MBTPS1: variants seen among roughly 807,000 people sequenced by gnomAD.
MBTPS1 encodes the protein membrane-bound transcription factor site-1 protease.
In MBTPS1, 94 loss-of-function variants were observed where a neutral mutation model predicts 127.8. That is an observed-to-expected ratio of 0.74 (90% confidence interval 0.62 to 0.87). MBTPS1 has a LOEUF of 0.87. Among genes scored for constraint, MBTPS1 ranks in the 40% least tolerant of loss-of-function variants. The probability of loss-of-function intolerance (pLI) is 0.00; values close to 1 mark genes in which losing one functional copy is unlikely to be tolerated. For missense variants in MBTPS1, 1,636 were observed against 1,353.2 expected (o/e 1.21, Z -3.28); for synonymous variants, 632 against 509.4 (o/e 1.24, Z -3.24).
At chr16:84,110,203 T>C (rs1046661314) in intron 1 of MBTPS1, among the ~76,000 whole-genome samples, 11 of 152,186 alleles carry the variant, frequency 7.2e-5, no homozygotes, top group African/African-American at 2.7e-4. Flanking sequence ...CACTCATCAA[T>C]TGTTACGTAG....
intron 2 of MBTPS1, among the ~76,000 whole-genome samples, chr16:84,099,558 G>A (rs1285959030): frequency 6.6e-6 from 1 of 152,106 alleles, no homozygotes; most frequent in Non-Finnish European, 1.5e-5. Context: ...GGCTGACGTG[G>A]GCAGATTACG....
chr16:84,110,050 C>A (rs1053455115), intron 1 of MBTPS1, among the ~76,000 whole-genome samples: 12 of 152,136 alleles, frequency 7.9e-5, no homozygotes, highest in Non-Finnish European at 1.3e-4. Context: ...AAAATAAGTT[C>A]TTTATTTACC....
Position 84,085,056 on chromosome 16 carries a change from C to T in MBTPS1, c.1213G>A (p.Gly405Arg). 6.2e-7 allele frequency: 1 copy of T among 1,614,216 alleles called. No individual in the cohort carries two copies. Residue 405 changes from glycine (G) to arginine (R), a missense_variant, in exon 10 of 23, where the codon GGG becomes AGG. Physicochemically the swap from Gly to Arg is moderately radical, Grantham distance 125. Transcript: ENST00000343411. The part of the protein sequence containing the change: ...GAGVRGSGVK[G>R]GCRALSGTSV... Reference sequence around the variant, plus strand: ...GTCCCTGAGAGGGCCCGGCACCCCCCTTTCACGCCAGAACCCCGCACGCCA... The same window carrying T: ...GTCCCTGAGAGGGCCCGGCACCCCCTTTTCACGCCAGAACCCCGCACGCCA...
chr16:84,054,157 C>A lies in MBTPS1; in HGVS notation c.*292G>T. 1 of 274,960 alleles carries A rather than the reference C, an allele frequency of 3.6e-6. No homozygotes were observed. The highest frequency in any genetic ancestry group is 6.9e-6 in the Non-Finnish European group (1 of 145,930). 17.0% of individuals were successfully genotyped at this position (274,960 alleles called of 1,614,324 possible). On this transcript the variant is annotated 3_prime_UTR_variant, in exon 23 of 23. Coordinates refer to ENST00000343411, the MANE Select transcript of MBTPS1 (RefSeq NM_003791.4). ...ACATCCTTCCCCTGCAGTCAGAAGACCCCAGACAGCCTTTCCAGTTCTCCC... is the reference window on the plus strand; with the variant it reads ...ACATCCTTCCCCTGCAGTCAGAAGAACCCAGACAGCCTTTCCAGTTCTCCC...
intron 1 of MBTPS1, among the ~76,000 whole-genome samples, 171 bp downstream of exon 1, chr16:84,116,564 C>T (rs1331553135): frequency 1.3e-5 from 2 of 152,180 alleles, no homozygotes; most frequent in Non-Finnish European, 2.9e-5. Flanking sequence ...GCGGTACAGG[C>T]ACGCTGTGTC....
intron 1 of MBTPS1, among the ~76,000 whole-genome samples, chr16:84,103,849 G>A (rs1208812289): frequency 1.3e-5 from 2 of 152,192 alleles, no homozygotes; most frequent in African/African-American, 2.4e-5. Context: ...ACTAAGGGGC[G>A]TGGAACTCAT....
chr16:84,097,299 C>A (rs573162526), intron 3 of MBTPS1, among the ~76,000 whole-genome samples: 1 of 152,212 alleles, frequency 6.6e-6, no homozygotes, highest in African/African-American at 2.4e-5. Context: ...ATCTTGAACA[C>A]TCTACTAAGC....
At position 84,060,871 on chromosome 16, in the gene MBTPS1, G is replaced by T. The variant is rs571922612; in HGVS notation, c.2573-58C>A. 13 of 1,505,526 alleles carry T rather than the reference G, an allele frequency of 8.6e-6. 1 individual carries two copies. Among genetic ancestry groups the T allele is most frequent in the Non-Finnish European group, 9.9e-6 (11 of 1,114,116 alleles). 93.3% of individuals were successfully genotyped at this position (1,505,526 alleles called of 1,614,324 possible). A position where few individuals can be genotyped will look rare whatever the true frequency, so the allele number is the denominator to read the frequency against. ...TTTTTTTTTTTCCAGACAGAGTCAC[G>T]CTCTTGTCACCCAGTGCAGTGGCGC... On this transcript the variant is annotated intron_variant, in intron 19 of 22. Coordinates refer to ENST00000343411, the MANE Select transcript of MBTPS1 (RefSeq NM_003791.4).
At chr16:84,097,512 G>A (rs1036351970) in intron 3 of MBTPS1, among the ~76,000 whole-genome samples, 4 of 152,210 alleles carry the variant, frequency 2.6e-5, no homozygotes, top group Non-Finnish European at 4.4e-5. Flanking sequence ...CGGAACACAC[G>A]CAGTGGAGAT....
At chr16:84,055,155 T>C (rs1005010709) in intron 22 of MBTPS1, among the ~76,000 whole-genome samples, 2 of 152,190 alleles carry the variant, frequency 1.3e-5, no homozygotes, top group African/African-American at 4.8e-5. Flanking sequence ...GGAGAGGCCA[T>C]CAGAGGACCC....
intron 12 of MBTPS1, among the ~76,000 whole-genome samples, chr16:84,072,769 G>T (rs923964810): frequency 6.6e-6 from 1 of 152,148 alleles, no homozygotes; most frequent in Non-Finnish European, 1.5e-5. Context: ...AAGCCTGGGA[G>T]AGAGCGAGAC....
intron 6 of MBTPS1, among the ~76,000 whole-genome samples, chr16:84,092,943 C>T (rs530920662): frequency 2.0e-5 from 3 of 152,176 alleles, no homozygotes; most frequent in Non-Finnish European, 4.4e-5. Context: ...ATCAAAGAAT[C>T]GTCGTAAGTA....
chr16:84,115,862 T>C (rs772935904), intron 1 of MBTPS1, among the ~76,000 whole-genome samples: 2 of 152,052 alleles, frequency 1.3e-5, no homozygotes, highest in African/African-American at 4.8e-5. Flanking sequence ...AACAGGTGGA[T>C]TTTATGGTAT....
At chr16:84,082,028 G>A (rs2085949745) in intron 10 of MBTPS1, 120 bp from the exon 11 acceptor site, 1 of 635,016 alleles carries the variant, frequency 1.6e-6, no homozygotes, top group Non-Finnish European at 2.3e-6. Flanking sequence ...GTATCCAACA[G>A]GTGCTTGTCT....
chr16:84,074,866 C>G (rs1005267170), intron 11 of MBTPS1, 125 bp from the exon 12 acceptor site: 11 of 812,870 alleles, frequency 1.4e-5, no homozygotes, highest in Non-Finnish European at 2.1e-5. Context: ...CAGCGCTGCC[C>G]TAGGCTGGCA....
chr16:84,088,623 G>A (rs895763529), intron 8 of MBTPS1, among the ~76,000 whole-genome samples: 1 of 152,192 alleles, frequency 6.6e-6, no homozygotes, highest in Non-Finnish European at 1.5e-5. Context: ...TGCTGGTATT[G>A]AAAAGGAGGG....
chr16:84,099,236 T>G lies in MBTPS1; in HGVS notation c.238A>C (p.Ser80Arg). 1 of 1,614,124 alleles carries G rather than the reference T, an allele frequency of 6.2e-7. No individual in the cohort carries two copies. The highest frequency in any genetic ancestry group is 8.5e-7 in the Non-Finnish European group (1 of 1,179,938). ...NSFISSALKS[S>R]EVDNWRIIPR... ...ATAATTCTCCAATTGTCTACTTCAC[T>G]GCTCTTCAGGGCACTTGAAATAAAT... Residue 80 changes from serine to arginine, a missense_variant, in exon 3 of 23, where the codon AGT becomes CGT. Coordinates refer to ENST00000343411, the MANE Select transcript of MBTPS1 (RefSeq NM_003791.4).
chr16:84,065,383 G>C (rs2085666821), intron 18 of MBTPS1, among the ~76,000 whole-genome samples: 2 of 152,244 alleles, frequency 1.3e-5, no homozygotes, highest in South Asian at 2.1e-4. Context: ...TCTCAAAGTG[G>C]TGGGTACCAT....
At chr16:84,077,933 T>G (rs538361415) in intron 11 of MBTPS1, among the ~76,000 whole-genome samples, 21 of 134,282 alleles carry the variant, frequency 1.6e-4, no homozygotes, top group Non-Finnish European at 2.9e-4. Flanking sequence ...ACAAGAAAGC[T>G]TAAAAAAAAA....
Sources: allele counts gnomAD v4.1 joint callset (sites outside exome capture counted in the v4.1 genomes callset), GRCh38; gene constraint gnomAD v4.1.1; transcripts MANE v1.5; gene names NCBI Gene and HGNC (gene_info 2026-07-23, HGNC 2026-07-21).